TTC29: variants seen among roughly 807,000 people sequenced by gnomAD.
TTC29 encodes tetratricopeptide repeat domain 29, also known as tetratricopeptide repeat protein 29.
In TTC29, 49 loss-of-function variants were observed where a neutral mutation model predicts 58.1. That is an observed-to-expected ratio of 0.84 (90% CI 0.67 to 1.07). The LOEUF (loss-of-function observed/expected upper bound fraction) is 1.07. Among genes scored for constraint, TTC29 ranks in the 50% least tolerant of loss-of-function variants. The pLI is 0.00. For synonymous variants in TTC29, 209 were observed against 196.8 expected, an observed-to-expected ratio of 1.06 and a Z score of -0.52; for missense variants, 582 against 555.6, an observed-to-expected ratio of 1.05 and a Z score of -0.48.
intron 3 of TTC29, 142 bp from the exon 4 acceptor site, chr4:146,937,819 G>T: frequency 4.3e-6 from 2 of 467,756 alleles, no homozygotes; most frequent in South Asian, 4.5e-5. Flanking sequence ...GAGTTAGGTC[G>T]TTGGTTGATC....
At chr4:146,760,220 T>C (rs966714334) in intron 11 of TTC29, among the ~76,000 whole-genome samples, 1 of 151,756 alleles carries the variant, frequency 6.6e-6, no homozygotes, top group South Asian at 2.1e-4. Context: ...CTTAGCAATA[T>C]ACCTAACCAA....
chr4:146,790,289 C>T (rs570287393), intron 11 of TTC29, among the ~76,000 whole-genome samples: 7 of 151,634 alleles, frequency 4.6e-5, no homozygotes, highest in East Asian at 1.9e-4. Context: ...CCCAGGTTCA[C>T]GCCATTCTCC....
chr4:146,712,783 C>A (rs772806378), intron 11 of TTC29, among the ~76,000 whole-genome samples: 7 of 151,972 alleles, frequency 4.6e-5, no homozygotes, highest in Non-Finnish European at 7.4e-5. Context: ...AAGAGGGTGC[C>A]ATGCCATTAT....
At chr4:146,908,908 T>C in intron 5 of TTC29, 118 bp downstream of exon 5, 1 of 848,056 alleles carries the variant, frequency 1.2e-6, no homozygotes, top group Non-Finnish European at 1.9e-6. Flanking sequence ...TTGACTGGGT[T>C]GAAGTGTGCT....
At chr4:146,923,331 G>A (rs1044105589) in intron 4 of TTC29, among the ~76,000 whole-genome samples, 22 of 151,274 alleles carry the variant, frequency 1.5e-4, no homozygotes, top group African/African-American at 4.6e-4. Context: ...TCACACACGC[G>A]CGTGCACACT....
intron 4 of TTC29, among the ~76,000 whole-genome samples, chr4:146,921,522 ATAT>A (rs1314269902): frequency 6.6e-6 from 1 of 151,228 alleles, no homozygotes; most frequent in East Asian, 1.9e-4. Flanking sequence ...AGCTTGTATA[ATAT>A]TATTAGTATT....
chr4:146,737,599 G>GGC lies in TTC29; in HGVS notation c.1331-30049_1331-30048insGC, dbSNP rs1554007369. Among the ~76,000 whole-genome samples the GGC allele has an allele frequency of 2.5e-4, 37 of 149,370 alleles. 1 individual carries two copies. Among genetic ancestry groups the GGC allele is most frequent in the African/African-American group, 4.9e-4 (20 of 40,498 alleles). On this transcript the variant is annotated intron_variant, in intron 11 of 12. Coordinates refer to ENST00000325106, the MANE Select transcript of TTC29 (RefSeq NM_031956.4). Reference sequence around the variant, plus strand: ...CTGATGCTAGTAGCCCTGGGGGGGGGGGGGCTACAAACGGGTCTTGACAGG... The same window carrying GGC: ...CTGATGCTAGTAGCCCTGGGGGGGGGGCGGGGCTACAAACGGGTCTTGACAGG...
chr4:146,752,223 A>C, intron 11 of TTC29, among the ~76,000 whole-genome samples: 1 of 151,688 alleles, frequency 6.6e-6, no homozygotes, highest in Non-Finnish European at 1.5e-5. Flanking sequence ...GCAAAGTCTC[A>C]GGATACAAAA....
In TTC29 at chr4:146,922,471, C is replaced by T. The variant is rs574287385; in HGVS notation, c.177-13222G>A. Among the ~76,000 whole-genome samples the T allele has an allele frequency of 5.3e-5, 8 of 151,558 alleles. No individual in the cohort carries two copies. The East Asian group carries it at 7.7e-4, about 15-fold the overall frequency. ...TAGTCACTAAACATAGTAGCACGAA[C>T]GGAAAAAGCTTCTAATTATAATTAT... On this transcript the variant is annotated intron_variant, in intron 4 of 12. Coordinates refer to ENST00000325106, the MANE Select transcript of TTC29 (RefSeq NM_031956.4).
At chr4:146,854,640 C>T (rs945927136) in intron 8 of TTC29, among the ~76,000 whole-genome samples, 2 of 152,052 alleles carry the variant, frequency 1.3e-5, no homozygotes, top group Admixed American at 1.3e-4. Flanking sequence ...ACAGATATTC[C>T]CAGGAGTGGG....
At position 146,750,108 on chromosome 4, in the gene TTC29, C is replaced by T. The variant is rs577865816; in HGVS notation, c.1331-42557G>A. On this transcript the variant is annotated intron_variant, in intron 11 of 12. Transcript: ENST00000325106. The stretch of plus-strand genomic sequence containing the variant: ...CTGCAAGCTCTGCCTCCTGGGTTCA[C>T]GCCATTCTCCTGCCTCAGCCTCCTG... 4.2e-4 allele frequency among the ~76,000 whole-genome samples: 64 copies of T among 152,116 alleles called. 1 individual carries two copies. Among genetic ancestry groups the T allele is most frequent in the Middle Eastern group, 3.4e-3 (1 of 294 alleles).
At chr4:146,851,177 C>A (rs1006897696) in intron 8 of TTC29, among the ~76,000 whole-genome samples, 2 of 152,192 alleles carry the variant, frequency 1.3e-5, no homozygotes, top group African/African-American at 4.8e-5. Context: ...GTAGCATATG[C>A]CAGACATAGG....
chr4:146,891,949 A>G (rs1461900456), intron 6 of TTC29, among the ~76,000 whole-genome samples: 1 of 152,120 alleles, frequency 6.6e-6, no homozygotes, highest in Non-Finnish European at 1.5e-5. Context: ...GGCACCCCTG[A>G]TGTCTAAGTG....
intron 8 of TTC29, among the ~76,000 whole-genome samples, chr4:146,856,521 A>G (rs892901042): frequency 2.6e-5 from 4 of 151,776 alleles, no homozygotes. Flanking sequence ...TTATTACCAA[A>G]CAGATTTGTT....
chr4:146,833,875 A>T lies in TTC29; in HGVS notation c.908T>A (p.Ile303Asn). Residue 303 changes from isoleucine to asparagine, a missense_variant, in exon 9 of 13, where the codon ATC becomes AAC. Transcript: ENST00000325106. ...ALTVLDTYCK[I>N]STDLDDDLSL... ...GAGATCATCATCCAGGTCTGTGGAGATTTTACAGTAAGTGTCAAGGACCTA... is the reference window on the plus strand; with the variant it reads ...GAGATCATCATCCAGGTCTGTGGAGTTTTTACAGTAAGTGTCAAGGACCTA... 6.2e-7 allele frequency: 1 copy of T among 1,612,936 alleles called. No homozygotes were observed. The highest frequency in any genetic ancestry group is 8.5e-7 in the Non-Finnish European group (1 of 1,179,298).
Position 146,865,618 on chromosome 4 carries a change from T to G in TTC29, c.885+1880A>C, listed in dbSNP as rs76175606. 1.5e-3 allele frequency among the ~76,000 whole-genome samples: 233 copies of G among 152,116 alleles called. 5 individuals carry two copies. In the East Asian group the frequency reaches 0.035, roughly 23 times the overall value. On this transcript the variant is annotated intron_variant, in intron 8 of 12. Coordinates refer to ENST00000325106, the MANE Select transcript of TTC29 (RefSeq NM_031956.4). ...CAAACCTCAGCATCACAAAACATAC[T>G]CAGATAACAAATCTGCACATGTACC...
intron 8 of TTC29, among the ~76,000 whole-genome samples, chr4:146,837,098 T>C (rs557367652): frequency 1.3e-5 from 2 of 152,214 alleles, no homozygotes; most frequent in African/African-American, 4.8e-5. Context: ...TCAACCTAAA[T>C]GCACATCAAT....
intron 6 of TTC29, among the ~76,000 whole-genome samples, chr4:146,882,744 A>G (rs1051622781): frequency 1.3e-5 from 2 of 152,096 alleles, no homozygotes; most frequent in Non-Finnish European, 2.9e-5. Flanking sequence ...ATTATTGAAG[A>G]TGGTGACGAG....
At chr4:146,879,701 G>C (rs946142158) in intron 6 of TTC29, among the ~76,000 whole-genome samples, 8 of 152,076 alleles carry the variant, frequency 5.3e-5, no homozygotes, top group Non-Finnish European at 8.8e-5. Flanking sequence ...TCTTTTAGAA[G>C]GACAAGAACA....
Sources: allele counts gnomAD v4.1 joint callset (sites outside exome capture counted in the v4.1 genomes callset), GRCh38; gene constraint gnomAD v4.1.1; transcripts MANE v1.5; gene names NCBI Gene and HGNC (gene_info 2026-07-23, HGNC 2026-07-21).